Variants in BABAM2 observed in about 807,000 individuals in gnomAD.
The protein encoded by BABAM2 is BRISC and BRCA1-A complex member 2.
A neutral mutation model predicts 54.7 loss-of-function variants in BABAM2; 31 were observed. The ratio of observed to expected loss-of-function variants is 0.57; its 90% confidence interval spans 0.43 to 0.77. BABAM2 has a LOEUF of 0.77. BABAM2 is among the 30% of genes least tolerant of loss of function. The pLI, the probability that BABAM2 is intolerant of heterozygous loss-of-function variation, is 0.00. For missense variants in BABAM2, 364 were observed against 455.8 expected (o/e 0.80, Z 1.83); for synonymous variants, 167 against 162.9 (o/e 1.03, Z -0.19).
chr2:28,077,891 A>T (rs2048046), intron 6 of BABAM2, among the ~76,000 whole-genome samples: 20,137 of 152,130 alleles, frequency 0.13, 2,499 homozygotes, highest in African/African-American at 0.33. Context: ...CAGAGAGAAA[A>T]CAAGGATGAC....
At chr2:28,217,152 G>C (rs1679993921) in intron 7 of BABAM2, among the ~76,000 whole-genome samples, 1 of 64,668 alleles carries the variant, frequency 1.5e-5, no homozygotes, top group Admixed American at 2.2e-4. Context: ...TCTCTTATTA[G>C]CATATACTTT....
At chr2:28,029,660 A>G (rs72812571) in intron 5 of BABAM2, among the ~76,000 whole-genome samples, 6,965 of 152,244 alleles carry the variant, frequency 0.046, 203 homozygotes, top group South Asian at 0.1. Context: ...TACATTGAAC[A>G]TAGGTGTGCA....
chr2:28,011,978 G>A (rs969358643), intron 4 of BABAM2, among the ~76,000 whole-genome samples: 13 of 152,162 alleles, frequency 8.5e-5, no homozygotes, highest in African/African-American at 3.1e-4. Flanking sequence ...GGACGGAATT[G>A]GGATTCTTAA....
At chr2:27,911,099 G>T (rs1381370085) in intron 2 of BABAM2, among the ~76,000 whole-genome samples, 1 of 152,116 alleles carries the variant, frequency 6.6e-6, no homozygotes, top group African/African-American at 2.4e-5. Flanking sequence ...TTCCCCTTCT[G>T]CTGTGATTGT....
At chr2:28,109,692 C>T (rs1189451918) in intron 6 of BABAM2, among the ~76,000 whole-genome samples, 1 of 152,196 alleles carries the variant, frequency 6.6e-6, no homozygotes, top group Non-Finnish European at 1.5e-5. Flanking sequence ...TGCCAGCTCT[C>T]TCCACCTGAC....
At chr2:28,062,584 A>G (rs989909935) in intron 6 of BABAM2, among the ~76,000 whole-genome samples, 5 of 151,990 alleles carry the variant, frequency 3.3e-5, no homozygotes, top group Admixed American at 1.3e-4. Context: ...CCAAAAAAAA[A>G]AAAAACATAT....
chr2:28,151,140 A>G (rs557002099), intron 7 of BABAM2, among the ~76,000 whole-genome samples: 1 of 152,316 alleles, frequency 6.6e-6, no homozygotes, highest in South Asian at 2.1e-4. Flanking sequence ...TCTAAAGTAA[A>G]CATATATGAG....
At chr2:27,979,230 C>T (rs1287734251) in intron 3 of BABAM2, among the ~76,000 whole-genome samples, 4 of 151,826 alleles carry the variant, frequency 2.6e-5, no homozygotes, top group Non-Finnish European at 5.9e-5. Flanking sequence ...GACGTGGTTT[C>T]GCCATGTTAA....
At chr2:28,063,655 A>G (rs1346862223) in intron 6 of BABAM2, among the ~76,000 whole-genome samples, 2 of 152,220 alleles carry the variant, frequency 1.3e-5, no homozygotes, top group Non-Finnish European at 2.9e-5. Context: ...GAGAAAGAGT[A>G]CTGTCAGTGC....
intron 7 of BABAM2, among the ~76,000 whole-genome samples, chr2:28,235,909 C>A (rs940989708): frequency 5.3e-5 from 8 of 152,154 alleles, no homozygotes; most frequent in African/African-American, 1.9e-4. Context: ...ATTTGCCAAC[C>A]TCAGCCTCCC....
At chr2:28,013,843 A>G (rs1429697265) in intron 4 of BABAM2, among the ~76,000 whole-genome samples, 3 of 151,820 alleles carry the variant, frequency 2.0e-5, no homozygotes, top group Non-Finnish European at 4.4e-5. Context: ...AGAAGCTTCC[A>G]TGGCTTCCAT....
intron 7 of BABAM2, among the ~76,000 whole-genome samples, chr2:28,152,908 G>T (rs777957045): frequency 6.6e-6 from 1 of 152,254 alleles, no homozygotes; most frequent in Non-Finnish European, 1.5e-5. Context: ...CTTGCCAGTG[G>T]TTCAGTCTTT....
At chr2:27,914,131 G>A (rs1558582218) in intron 2 of BABAM2, among the ~76,000 whole-genome samples, 1 of 152,140 alleles carries the variant, frequency 6.6e-6, no homozygotes, top group South Asian at 2.1e-4. Flanking sequence ...ACACTCTAAT[G>A]TTAACCATAT....
chr2:28,293,303 A>C (rs1235136354), intron 10 of BABAM2, among the ~76,000 whole-genome samples: 9 of 152,072 alleles, frequency 5.9e-5, no homozygotes, highest in Non-Finnish European at 1.0e-4. Flanking sequence ...AGAAGTGAGA[A>C]ATTTCTAGAA....
At chr2:28,138,235 G>C (rs932323754) in intron 7 of BABAM2, among the ~76,000 whole-genome samples, 1 of 152,164 alleles carries the variant, frequency 6.6e-6, no homozygotes, top group African/African-American at 2.4e-5. Context: ...TCCCAGAACT[G>C]ATGGAAGATA....
At chr2:28,087,881 G>A (rs914204622) in intron 6 of BABAM2, among the ~76,000 whole-genome samples, 3 of 151,974 alleles carry the variant, frequency 2.0e-5, no homozygotes, top group Non-Finnish European at 2.9e-5. Flanking sequence ...AACTTCTGAC[G>A]TCAAGTGATC....
chr2:28,055,101 T>C (rs927869315), intron 6 of BABAM2, among the ~76,000 whole-genome samples: 13 of 152,202 alleles, frequency 8.5e-5, no homozygotes, highest in African/African-American at 2.7e-4. Flanking sequence ...AATGAGATCA[T>C]GTCTTTTGCA....
intron 2 of BABAM2, among the ~76,000 whole-genome samples, chr2:27,901,266 C>T (rs187857507): frequency 1.2e-4 from 19 of 152,150 alleles, no homozygotes; most frequent in African/African-American, 4.1e-4. Context: ...AGTGATTTTT[C>T]TAATCTTGAA....
intron 6 of BABAM2, among the ~76,000 whole-genome samples, chr2:28,084,432 T>C (rs979995684): frequency 6.6e-6 from 1 of 152,270 alleles, no homozygotes; most frequent in African/African-American, 2.4e-5. Context: ...TAGAATTTGC[T>C]CACCACTTTG....
Sources: gnomAD v4.1 joint callset for allele counts (sites outside exome capture counted in the v4.1 genomes callset) on GRCh38, gnomAD v4.1.1 for gene constraint, MANE v1.5 for transcripts, NCBI Gene and HGNC (gene_info 2026-07-23, HGNC 2026-07-21) for gene names.